Variants in DNM3 observed in about 807,000 individuals in gnomAD.
DNM3 encodes the protein dynamin 3.
In DNM3, 47 loss-of-function variants were observed where a neutral mutation model predicts 101.6. That is an observed-to-expected ratio of 0.46 (90% CI 0.37 to 0.59). The LOEUF (loss-of-function observed/expected upper bound fraction) is 0.59. Ranked by LOEUF, DNM3 falls within the 20% of genes least tolerant of loss-of-function variation. DNM3 has a pLI of 0.00. For missense variants in DNM3, 849 were observed against 1,085.7 expected, an observed-to-expected ratio of 0.78 and a Z score of 3.06; for synonymous variants, 385 against 387.9, an observed-to-expected ratio of 0.99 and a Z score of 0.09.
Position 171,987,674 on chromosome 1 carries a change from A to G in DNM3, c.254A>G (p.His85Arg). 1 of 1,583,896 alleles carries G rather than the reference A, an allele frequency of 6.3e-7. No individual in the cohort carries two copies. The highest frequency in any genetic ancestry group is 8.6e-7 in the Non-Finnish European group (1 of 1,168,202). The change falls in exon 3 of 21, where the codon CAT becomes CGT. Residue 85 changes from histidine (H) to arginine (R), a missense_variant. Around this residue, in one of 5 missense-constraint regions of DNM3, gnomAD observed 388 missense variants for 483.0 expected, o/e 0.80. Transcript: ENST00000627582. ...TTTGTAGAATATGCCGAGTTTCTAC[A>G]TTGCAAAGGAAAGAAATTTACAGAT... ...TSKAEYAEFL[H>R]CKGKKFTDFD...
chr1:171,882,770 A>G (rs1476873956), intron 1 of DNM3, among the ~76,000 whole-genome samples: 3 of 152,056 alleles, frequency 2.0e-5, no homozygotes, highest in Non-Finnish European at 4.4e-5. Context: ...TTTATAGACC[A>G]ATCCTTTATT....
chr1:171,923,375 T>C (rs2040328865), intron 2 of DNM3, among the ~76,000 whole-genome samples: 1 of 152,194 alleles, frequency 6.6e-6, no homozygotes, highest in African/African-American at 2.4e-5. Flanking sequence ...GCCTTTGTAT[T>C]ACTGAATTGT....
chr1:172,063,399 C>A (rs2051403044), intron 10 of DNM3, among the ~76,000 whole-genome samples: 1 of 150,828 alleles, frequency 6.6e-6, no homozygotes, highest in African/African-American at 2.4e-5. Flanking sequence ...AAAATGTGAT[C>A]CATACTGAAA....
intron 14 of DNM3, among the ~76,000 whole-genome samples, chr1:172,194,574 T>G (rs967239078): frequency 3.9e-5 from 6 of 152,202 alleles, no homozygotes; most frequent in Admixed American, 3.9e-4. Context: ...TTTAGGATAG[T>G]TAGCTCTTCT....
intron 14 of DNM3, among the ~76,000 whole-genome samples, chr1:172,166,021 G>A (rs1332067306): frequency 1.3e-5 from 2 of 151,890 alleles, no homozygotes; most frequent in Non-Finnish European, 2.9e-5. Context: ...AGCTTAGAGG[G>A]TCTCTCTTCC....
At chr1:172,360,514 C>A (rs1343847476) in intron 17 of DNM3, among the ~76,000 whole-genome samples, 1 of 152,014 alleles carries the variant, frequency 6.6e-6, no homozygotes, top group Non-Finnish European at 1.5e-5. Context: ...GTATTTTAAT[C>A]CGTTTTCTTA....
intron 14 of DNM3, among the ~76,000 whole-genome samples, chr1:172,238,271 C>A (rs1207894133): frequency 2.0e-5 from 3 of 152,144 alleles, no homozygotes; most frequent in Admixed American, 6.6e-5. Context: ...CTGCCCTACA[C>A]TTCCTGGTTT....
intron 20 of DNM3, among the ~76,000 whole-genome samples, chr1:172,392,306 C>G (rs2069589663): frequency 6.6e-6 from 1 of 152,300 alleles, no homozygotes; most frequent in East Asian, 1.9e-4. Context: ...TGAGTATACA[C>G]AAATCAGTGA....
chr1:172,161,377 T>C (rs570232470), intron 14 of DNM3, among the ~76,000 whole-genome samples: 1 of 152,024 alleles, frequency 6.6e-6, no homozygotes, highest in African/African-American at 2.4e-5. Context: ...TTCAGCATTA[T>C]GAGACACTTA....
At position 172,047,035 on chromosome 1, in the gene DNM3, A is replaced by T. The variant is rs150652357; in HGVS notation, c.1197-1577A>T. Among the ~76,000 whole-genome samples the T allele has an allele frequency of 6.4e-3, 978 of 152,238 alleles. 11 individuals are homozygous for T. Among genetic ancestry groups the T allele is most frequent in the Non-Finnish European group, 8.0e-3 (546 of 68,016 alleles). On this transcript the variant is annotated intron_variant, in intron 9 of 20. Coordinates refer to ENST00000627582, the MANE Select transcript of DNM3 (RefSeq NM_015569.5). ...GTTATTATATGCCTGTAAGATGATAAGAAATGCACAATGTCCTGAGCATAA... is the reference window on the plus strand; with the variant it reads ...GTTATTATATGCCTGTAAGATGATATGAAATGCACAATGTCCTGAGCATAA...
chr1:172,291,254 G>A (rs1274518536), intron 15 of DNM3, among the ~76,000 whole-genome samples: 1 of 150,488 alleles, frequency 6.6e-6, no homozygotes, highest in Non-Finnish European at 1.5e-5. Flanking sequence ...GTGTGTGTGT[G>A]TGCACACGCA....
At chr1:172,092,295 G>C (rs2053964248) in intron 12 of DNM3, among the ~76,000 whole-genome samples, 1 of 152,146 alleles carries the variant, frequency 6.6e-6, no homozygotes, top group Non-Finnish European at 1.5e-5. Context: ...AGTGAGACTG[G>C]ACAATATCAC....
chr1:172,375,121 G>T (rs1024867604), intron 17 of DNM3, among the ~76,000 whole-genome samples: 6 of 151,940 alleles, frequency 3.9e-5, no homozygotes, highest in Non-Finnish European at 7.4e-5. Flanking sequence ...AACCACGGGG[G>T]TTTTTCTTGT....
chr1:171,987,713 G>C lies in DNM3; in HGVS notation c.293G>C (p.Arg98Pro). 1 of 1,599,056 alleles carries C rather than the reference G, an allele frequency of 6.3e-7. No individual in the cohort carries two copies. Among genetic ancestry groups the C allele is most frequent in the East Asian group, 2.3e-5 (1 of 44,318 alleles). Residue 98 changes from arginine to proline, a missense_variant, in exon 3 of 21, where the codon CGC becomes CCC. Physicochemically the swap from Arg to Pro is moderately radical, Grantham distance 103 (BLOSUM62 -2). Transcript: ENST00000627582. The part of the protein sequence containing the change: ...GKKFTDFDEV[R>P]LEIEAETDRV... The stretch of plus-strand genomic sequence containing the variant: ...AAATTTACAGATTTTGATGAAGTTC[G>C]CCTTGAGATTGAAGCAGAAACAGAT...
At chr1:172,131,109 A>C in intron 13 of DNM3, 66 bp from the exon 14 acceptor site, 10 of 1,388,442 alleles carry the variant, frequency 7.2e-6, no homozygotes, top group Non-Finnish European at 1.0e-5. Context: ...TTCTTAGTCC[A>C]AGACATCTAA....
At chr1:171,863,085 G>C (rs1346749538) in intron 1 of DNM3, among the ~76,000 whole-genome samples, 2 of 151,792 alleles carry the variant, frequency 1.3e-5, no homozygotes, top group Non-Finnish European at 2.9e-5. Flanking sequence ...CATTCAAAGG[G>C]GATGCTTTTT....
intron 14 of DNM3, chr1:172,133,337 T>G: frequency 1.0e-6 from 1 of 1,003,168 alleles, no homozygotes; most frequent in Non-Finnish European, 1.2e-6. Flanking sequence ...TGTAGCTTCC[T>G]TATGAGTACT....
chr1:171,988,775 T>C (rs187773462), intron 3 of DNM3, among the ~76,000 whole-genome samples, 170 bp from the exon 4 acceptor site: 4 of 152,270 alleles, frequency 2.6e-5, no homozygotes, highest in Admixed American at 6.5e-5. Flanking sequence ...ATCATAAAAA[T>C]AGAGAAAACT....
intron 14 of DNM3, among the ~76,000 whole-genome samples, chr1:172,203,552 G>A (rs907290315): frequency 1.3e-5 from 2 of 152,070 alleles, no homozygotes; most frequent in Non-Finnish European, 2.9e-5. Context: ...AATGATTATG[G>A]TAAACAACCA....
Sources: gnomAD v4.1 joint callset for allele counts (sites outside exome capture counted in the v4.1 genomes callset) on GRCh38, gnomAD v4.1.1 for gene constraint, gnomAD v4.1.1 regional missense constraint, MANE v1.5 for transcripts, NCBI Gene and HGNC (gene_info 2026-07-23, HGNC 2026-07-21) for gene names.